RYK: variants seen among roughly 807,000 people sequenced by gnomAD.
RYK encodes the protein receptor like tyrosine kinase.
Under a neutral mutation model 70.2 loss-of-function variants are expected in RYK, and 21 were observed. The ratio of observed to expected loss-of-function variants is 0.30; its 90% CI spans 0.21 to 0.43. RYK has a LOEUF of 0.43. Among genes scored for constraint, RYK ranks in the 20% least tolerant of loss-of-function variants. The pLI, the probability that RYK is intolerant of heterozygous loss-of-function variation, is 1.00. For missense variants in RYK, 604 were observed against 753.3 expected (o/e 0.80, Z 2.32); for synonymous variants, 267 against 278.0 (o/e 0.96, Z 0.39).
At chr3:134,179,101 A>T (rs1002109344) in intron 10 of RYK, 2 of 152,220 alleles carry the variant, frequency 1.3e-5, no homozygotes, top group Admixed American at 1.3e-4. Context: ...ATGAGAATAT[A>T]AGTAAAAGCT....
Position 134,175,935 on chromosome 3 carries a change from G to A in RYK, c.1410C>T (p.Asn470=). 2 of 1,605,034 alleles carry A rather than the reference G, an allele frequency of 1.2e-6. No individual in the cohort carries two copies. The highest frequency in any genetic ancestry group is 1.7e-6 in the Non-Finnish European group (2 of 1,174,600). ...EVIHKDLAAR[N]CVIDDTLQVK... ...GTCAAGCTCATGGCACCTACACACAGTTCCTGGCAGCCAGGTCTTTGTGGA... is the reference window on the plus strand; with the variant it reads ...GTCAAGCTCATGGCACCTACACACAATTCCTGGCAGCCAGGTCTTTGTGGA... The change falls in exon 12 of 15, where the codon AAC becomes AAT. Residue 470 remains asparagine, a synonymous_variant. Transcript: ENST00000623711.
intron 11 of RYK, 69 bp downstream of exon 11, chr3:134,177,872 A>G (rs1221279050): frequency 5.3e-6 from 7 of 1,323,542 alleles, no homozygotes; most frequent in African/African-American, 4.4e-5. Flanking sequence ...AAGAATGTTA[A>G]TATCTACTTT....
Position 134,221,196 on chromosome 3 carries a change from C to CTTTTTTTT in RYK, c.354+1214_354+1221dup, listed in dbSNP as rs71139519. Among the ~76,000 whole-genome samples the CTTTTTTTT allele has an allele frequency of 5.6e-3, 440 of 78,598 alleles. 31 individuals are homozygous for CTTTTTTTT. The highest frequency in any genetic ancestry group is 0.012 in the African/African-American group (207 of 17,916). 51.6% of individuals were successfully genotyped at this position (78,598 alleles called of 152,430 possible). ...CTACAAAGTCTTAACAGTTCTTTTTCTTTTTTTTTTTTTTTTTTTTTTTTT... is the reference window on the plus strand; with the variant it reads ...CTACAAAGTCTTAACAGTTCTTTTTCTTTTTTTTTTTTTTTTTTTTTTTTTTTTTTTTT... On this transcript the variant is annotated intron_variant, in intron 2 of 14. Transcript: ENST00000623711.
chr3:134,167,953 G>A (rs1454830600), intron 13 of RYK, among the ~76,000 whole-genome samples: 3 of 152,152 alleles, frequency 2.0e-5, no homozygotes, highest in African/African-American at 7.2e-5. Context: ...ATCAAAGAGT[G>A]GGCAAAGGAT....
chr3:134,188,717 AT>A (rs1476935565), intron 9 of RYK, 119 bp downstream of exon 9: 4 of 632,852 alleles, frequency 6.3e-6, no homozygotes, highest in Middle Eastern at 2.5e-4. Flanking sequence ...TTTCAGCTAA[AT>A]TAACACTGAC....
chr3:134,237,125 C>T (rs2015217230), intron 1 of RYK, among the ~76,000 whole-genome samples: 1 of 152,122 alleles, frequency 6.6e-6, no homozygotes, highest in Non-Finnish European at 1.5e-5. Flanking sequence ...TTTCCCTAGA[C>T]GATTTTAAGT....
chr3:134,231,512 C>T (rs2015057205), intron 1 of RYK, among the ~76,000 whole-genome samples: 1 of 152,314 alleles, frequency 6.6e-6, no homozygotes, highest in African/African-American at 2.4e-5. Flanking sequence ...CTGCAGTCAG[C>T]CAACTTTCTC....
intron 5 of RYK, among the ~76,000 whole-genome samples, chr3:134,204,307 A>G (rs2014131299): frequency 6.6e-6 from 1 of 151,968 alleles, no homozygotes; most frequent in Non-Finnish European, 1.5e-5. Flanking sequence ...CAGCCTGACC[A>G]ACATAGTGAA....
intron 1 of RYK, among the ~76,000 whole-genome samples, chr3:134,231,666 G>A (rs913884567): frequency 4.6e-5 from 7 of 151,992 alleles, no homozygotes; most frequent in Non-Finnish European, 1.0e-4. Context: ...CTTATCCTTC[G>A]GAAGTACAAC....
At chr3:134,235,957 G>C (rs753195554) in intron 1 of RYK, among the ~76,000 whole-genome samples, 1 of 152,016 alleles carries the variant, frequency 6.6e-6, no homozygotes, top group Non-Finnish European at 1.5e-5. Flanking sequence ...GAAATTCCAA[G>C]GGCTGAGACA....
intron 6 of RYK, among the ~76,000 whole-genome samples, chr3:134,196,699 A>G (rs2013828393): frequency 6.6e-6 from 1 of 152,088 alleles, no homozygotes; most frequent in Non-Finnish European, 1.5e-5. Context: ...ACAAATCTGA[A>G]AAATGTAAAT....
intron 1 of RYK, among the ~76,000 whole-genome samples, chr3:134,223,816 T>C (rs1158929170): frequency 1.3e-5 from 2 of 152,092 alleles, no homozygotes; most frequent in African/African-American, 4.8e-5. Context: ...AATTTCACAT[T>C]TACTGAGCCG....
At chr3:134,184,224 T>A (rs1305096929) in intron 9 of RYK, among the ~76,000 whole-genome samples, 5 of 152,224 alleles carry the variant, frequency 3.3e-5, no homozygotes, top group Admixed American at 3.3e-4. Flanking sequence ...AGTTTTAGTT[T>A]CTAAACTCAT....
intron 9 of RYK, among the ~76,000 whole-genome samples, chr3:134,186,441 A>G (rs557990768): frequency 3.0e-4 from 46 of 152,374 alleles, no homozygotes; most frequent in Admixed American, 7.8e-4. Context: ...GACCTTGGTC[A>G]GCTCTATGTG....
intron 6 of RYK, 48 bp from the exon 7 acceptor site, chr3:134,195,230 G>C (rs759858310): frequency 7.0e-7 from 1 of 1,420,942 alleles, no homozygotes; most frequent in Non-Finnish European, 9.9e-7. Context: ...GTTTCAATGA[G>C]AAATTTCCTT....
chr3:134,200,490 G>C (rs535438218), intron 6 of RYK, among the ~76,000 whole-genome samples: 2 of 152,318 alleles, frequency 1.3e-5, no homozygotes, highest in East Asian at 1.9e-4. Flanking sequence ...CACTCACCGC[G>C]AGAGTCCGCG....
At chr3:134,207,175 A>T (rs937124217) in intron 5 of RYK, among the ~76,000 whole-genome samples, 4 of 152,210 alleles carry the variant, frequency 2.6e-5, no homozygotes, top group African/African-American at 9.6e-5. Context: ...TAAACATCTT[A>T]CACATATTTC....
chr3:134,195,007 C>G, intron 7 of RYK, 75 bp downstream of exon 7: 1 of 1,009,270 alleles, frequency 9.9e-7, no homozygotes, highest in Non-Finnish European at 1.6e-6. Flanking sequence ...CACAAGTACA[C>G]TAACCATGCA....
rs576123283 is a variant in RYK at position 134,209,715 on chromosome 3, C to T, written c.569G>A (p.Arg190Gln). 6.8e-6 allele frequency: 10 copies of T among 1,472,630 alleles called. No individual in the cohort carries two copies. Among genetic ancestry groups the T allele is most frequent in the East Asian group, 2.6e-5 (1 of 38,178 alleles). The allele number at this position is 1,472,630 out of a possible 1,614,324, so 91.2% of individuals were successfully genotyped here. The change falls in exon 4 of 15, where the codon CGA (arginine) becomes CAA (glutamine). Residue 190 changes from arginine (R) to glutamine (Q), a missense_variant. Physicochemically the swap from Arg to Gln is conservative, Grantham distance 43 (BLOSUM62 1). Around this residue, in one of 2 missense-constraint regions of RYK, gnomAD observed 466 missense variants for 535.9 expected, o/e 0.87. Transcript: ENST00000623711. ...CTTACTTTTGTAGCACATTTTCCTT[C>T]GTTTAAAATTTAAGACGGTAAAATT... ...SKNFTVLNFK[R>Q]RKMCYKKLEE...
Sources: allele counts gnomAD v4.1 joint callset (sites outside exome capture counted in the v4.1 genomes callset), GRCh38; gene constraint gnomAD v4.1.1; regional missense constraint gnomAD v4.1.1; transcripts MANE v1.5; gene names NCBI Gene and HGNC (gene_info 2026-07-23, HGNC 2026-07-21).